The following GRM7 variants were observed in gnomAD, a reference collection of about 807,000 sequenced individuals.
The protein encoded by GRM7 is glutamate metabotropic receptor 7, also known as metabotropic glutamate receptor 7.
Under a neutral mutation model 84.5 loss-of-function variants are expected in GRM7, and 35 were observed. That is an observed-to-expected ratio of 0.41 (90% CI 0.32 to 0.55). The LOEUF (loss-of-function observed/expected upper bound fraction) is 0.55, where lower values mean the gene tolerates loss of function less well. GRM7 is among the 20% of genes least tolerant of loss of function. The pLI is 0.19. For synonymous variants in GRM7, 487 were observed against 455.1 expected (o/e 1.07, Z -0.89); for missense variants, 1,003 against 1,194.6 (o/e 0.84, Z 2.36).
At chr3:7,034,347 C>G (rs1020492905) in intron 1 of GRM7, among the ~76,000 whole-genome samples, 1 of 151,910 alleles carries the variant, frequency 6.6e-6, no homozygotes, top group African/African-American at 2.4e-5. Flanking sequence ...TGATAATTAA[C>G]CAACTTTGGG....
At chr3:6,903,338 T>G (rs866416692) in intron 1 of GRM7, among the ~76,000 whole-genome samples, 1 of 152,068 alleles carries the variant, frequency 6.6e-6, no homozygotes, top group African/African-American at 2.4e-5. Context: ...TTTGTATGGA[T>G]TTTTGAAAAA....
intron 8 of GRM7, among the ~76,000 whole-genome samples, chr3:7,645,260 G>C (rs1168570193): frequency 6.6e-6 from 1 of 151,954 alleles, no homozygotes; most frequent in African/African-American, 2.4e-5. Flanking sequence ...ATTTTCTACT[G>C]TCAGTTGGCT....
chr3:7,039,648 C>G (rs925120098), intron 1 of GRM7, among the ~76,000 whole-genome samples: 1 of 151,720 alleles, frequency 6.6e-6, no homozygotes, highest in Non-Finnish European at 1.5e-5. Flanking sequence ...GAGTGTCAAT[C>G]AATACAAAGC....
intron 9 of GRM7, among the ~76,000 whole-genome samples, chr3:7,714,112 G>C (rs1701691599): frequency 6.6e-6 from 1 of 152,086 alleles, no homozygotes; most frequent in Non-Finnish European, 1.5e-5. Context: ...GTTATCTAGT[G>C]AAAGAAACTG....
intron 2 of GRM7, among the ~76,000 whole-genome samples, chr3:7,274,722 A>G (rs1214839936): frequency 6.6e-6 from 1 of 151,828 alleles, no homozygotes; most frequent in Admixed American, 6.6e-5. Flanking sequence ...AATTTTCTGT[A>G]GTTTGAAAAT....
chr3:7,142,486 A>G (rs1461834022), intron 1 of GRM7, among the ~76,000 whole-genome samples: 7 of 151,370 alleles, frequency 4.6e-5, no homozygotes, highest in African/African-American at 7.3e-5. Context: ...AGAGCGCCTT[A>G]TAAAATCATC....
At chr3:7,240,120 G>GTTTTTTGTTTTTTT (rs1343016922) in intron 2 of GRM7, among the ~76,000 whole-genome samples, 9 of 52,712 alleles carry the variant, frequency 1.7e-4, no homozygotes, top group African/African-American at 6.3e-4. Flanking sequence ...AGCATGTGAG[G>GTTTTTTGTTTTTTT]TTTTTTTTTT....
intron 2 of GRM7, among the ~76,000 whole-genome samples, chr3:7,212,622 A>C (rs988951216): frequency 6.6e-6 from 1 of 152,238 alleles, no homozygotes; most frequent in Non-Finnish European, 1.5e-5. Context: ...ATTTTGTACA[A>C]TGTAGCTTCC....
At chr3:7,118,420 AT>A (rs1693113255) in intron 1 of GRM7, among the ~76,000 whole-genome samples, 1 of 150,902 alleles carries the variant, frequency 6.6e-6, no homozygotes, top group African/African-American at 2.4e-5. Flanking sequence ...GAAAAAATGA[AT>A]AAAAAATAAG....
At chr3:7,701,168 A>G (rs562057934) in intron 9 of GRM7, among the ~76,000 whole-genome samples, 4 of 152,220 alleles carry the variant, frequency 2.6e-5, no homozygotes, top group Middle Eastern at 6.8e-3. Context: ...TGGCATAACG[A>G]TACAGGGGAC....
At chr3:7,632,346 G>A (rs949161666) in intron 8 of GRM7, among the ~76,000 whole-genome samples, 7 of 152,154 alleles carry the variant, frequency 4.6e-5, no homozygotes, top group Non-Finnish European at 7.3e-5. Flanking sequence ...TTGTGTGATG[G>A]TGCTTTGCAT....
Position 7,486,417 on chromosome 3 carries a change from C to T in GRM7, c.1515+24695C>T, listed in dbSNP as rs980085606. Among the ~76,000 whole-genome samples the T allele has an allele frequency of 2.6e-5, 4 of 152,098 alleles. No individual in the cohort carries two copies. The highest frequency in any genetic ancestry group is 9.7e-5 in the African/African-American group (4 of 41,426). On this transcript the variant is annotated intron_variant, in intron 7 of 9. Coordinates refer to ENST00000357716, the MANE Select transcript of GRM7 (RefSeq NM_000844.4). This position sits in a 1 kb window ranked among gnomAD's most constrained non-coding sequence, Gnocchi z 5.5. ...TGTTGAGGCTTGGTCTCCAATGTGG[C>T]AGTGTTGGGAGATGATACCATTGAG...
intron 1 of GRM7, among the ~76,000 whole-genome samples, chr3:7,093,692 A>G (rs1294156395): frequency 9.4e-6 from 1 of 106,068 alleles, no homozygotes; most frequent in Non-Finnish European, 2.0e-5. Context: ...AAAAAAAAAA[A>G]AAAAAAAAAA....
At chr3:7,532,624 G>C (rs1331531258) in intron 7 of GRM7, among the ~76,000 whole-genome samples, 3 of 151,642 alleles carry the variant, frequency 2.0e-5, no homozygotes, top group Non-Finnish European at 4.4e-5. Context: ...ATCTCCTTCA[G>C]TTCTGCTCTG....
chr3:7,016,158 G>C (rs9868967), intron 1 of GRM7, among the ~76,000 whole-genome samples: 2,690 of 152,234 alleles, frequency 0.018, 64 homozygotes, highest in African/African-American at 0.062. Flanking sequence ...TCTATTGTTA[G>C]CTGAATGCAT....
chr3:6,916,415 A>C (rs1468096856), intron 1 of GRM7, among the ~76,000 whole-genome samples: 2 of 152,224 alleles, frequency 1.3e-5, no homozygotes, highest in East Asian at 3.8e-4. Context: ...GGAATGCATT[A>C]AGCAAGTAGT....
At chr3:7,529,044 CAAACTT>C (rs1192757647) in intron 7 of GRM7, among the ~76,000 whole-genome samples, 1 of 151,904 alleles carries the variant, frequency 6.6e-6, no homozygotes, top group African/African-American at 2.4e-5. Context: ...AGTCAAGTGT[CAAACTT>C]AAGAACTTTT....
At chr3:7,439,381 A>T (rs12487503) in intron 5 of GRM7, among the ~76,000 whole-genome samples, 53,398 of 152,032 alleles carry the variant, frequency 0.35, 10,911 homozygotes, top group Non-Finnish European at 0.48. Context: ...GTCACTTGGC[A>T]CTTTTTCTGT....
chr3:7,016,328 G>T (rs1457444500), intron 1 of GRM7, among the ~76,000 whole-genome samples: 2 of 152,150 alleles, frequency 1.3e-5, no homozygotes, highest in Non-Finnish European at 2.9e-5. Flanking sequence ...GTTTTACTTG[G>T]GTGAAGTCAC....
Sources: gnomAD v4.1 joint callset for allele counts (sites outside exome capture counted in the v4.1 genomes callset) on GRCh38, gnomAD v4.1.1 for gene constraint, Gnocchi (gnomAD v3.1) non-coding constraint, MANE v1.5 for transcripts, NCBI Gene and HGNC (gene_info 2026-07-23, HGNC 2026-07-21) for gene names.